ME3: variants seen among roughly 807,000 people sequenced by gnomAD.
ME3 encodes malic enzyme 3, also known as NADP-dependent malic enzyme, mitochondrial.
Under a neutral mutation model 68.9 loss-of-function variants are expected in ME3, and 48 were observed. That is an observed-to-expected ratio of 0.70 (90% CI 0.55 to 0.89). The LOEUF (loss-of-function observed/expected upper bound fraction) is 0.89. Ranked by LOEUF, ME3 falls within the 40% of genes least tolerant of loss-of-function variation. ME3 has a pLI of 0.00. For missense variants in ME3, 675 were observed against 797.4 expected, an observed-to-expected ratio of 0.85 and a Z score of 1.85; for synonymous variants, 320 against 318.8, an observed-to-expected ratio of 1.00 and a Z score of -0.04.
chr11:86,577,153 G>C (rs1250037906), intron 2 of ME3, among the ~76,000 whole-genome samples: 1 of 152,048 alleles, frequency 6.6e-6, no homozygotes, highest in African/African-American at 2.4e-5. Flanking sequence ...TAGGAAACAA[G>C]CAAATGACCC....
At chr11:86,443,669 C>T (rs1949129797) in intron 13 of ME3, among the ~76,000 whole-genome samples, 1 of 152,238 alleles carries the variant, frequency 6.6e-6, no homozygotes, top group African/African-American at 2.4e-5. Flanking sequence ...CTGGTGCTCT[C>T]TGAGAACTGT....
intron 4 of ME3, among the ~76,000 whole-genome samples, chr11:86,524,752 T>G (rs1954599559): frequency 1.3e-5 from 2 of 152,294 alleles, no homozygotes; most frequent in African/African-American, 4.8e-5. Flanking sequence ...TGGGAAAACA[T>G]ATGCTTAAAC....
intron 2 of ME3, among the ~76,000 whole-genome samples, chr11:86,581,882 T>C (rs920331831): frequency 6.6e-6 from 1 of 152,224 alleles, no homozygotes; most frequent in African/African-American, 2.4e-5. Flanking sequence ...TCCTCCTCTG[T>C]TATCCATCCT....
chr11:86,671,638 G>T, intron 2 of ME3, 124 bp downstream of exon 2: 1 of 1,224,088 alleles, frequency 8.2e-7, no homozygotes, highest in Non-Finnish European at 1.1e-6. Flanking sequence ...CCCCTGCAAG[G>T]CAAAAACAGA....
intron 8 of ME3, among the ~76,000 whole-genome samples, chr11:86,453,142 G>A (rs1288455432): frequency 6.6e-6 from 1 of 152,096 alleles, no homozygotes; most frequent in Non-Finnish European, 1.5e-5. Flanking sequence ...GGGATTACAG[G>A]CACCCACCAC....
intron 4 of ME3, among the ~76,000 whole-genome samples, chr11:86,510,533 C>T (rs922458996): frequency 3.9e-5 from 6 of 152,198 alleles, no homozygotes; most frequent in African/African-American, 1.4e-4. Context: ...CAATGACTCT[C>T]AAATATCTAT....
chr11:86,537,221 T>G (rs1014018654), intron 4 of ME3, among the ~76,000 whole-genome samples: 240 of 151,490 alleles, frequency 1.6e-3, no homozygotes, highest in African/African-American at 3.9e-3. Context: ...CACCAGCATG[T>G]CACATGTATA....
exon 2 of ME3, chr11:86,671,958 C>A: frequency 1.4e-6 from 2 of 1,399,526 alleles, no homozygotes; most frequent in Admixed American, 3.8e-5. Context: ...CCTTGGCAGA[C>A]CTGGCACGGG....
intron 4 of ME3, among the ~76,000 whole-genome samples, chr11:86,534,524 A>G (rs1955509493): frequency 6.6e-6 from 1 of 151,996 alleles, no homozygotes; most frequent in African/African-American, 2.4e-5. Context: ...AAAATACAAA[A>G]ATTAGTGGGG....
At chr11:86,546,067 G>A (rs1956342229) in intron 4 of ME3, among the ~76,000 whole-genome samples, 1 of 152,178 alleles carries the variant, frequency 6.6e-6, no homozygotes, top group Admixed American at 6.5e-5. Context: ...AATGGGGAAA[G>A]GATTCCCTAT....
At chr11:86,457,906 C>T (rs1950029931) in intron 8 of ME3, 1 of 927,880 alleles carries the variant, frequency 1.1e-6, no homozygotes, top group African/African-American at 1.7e-5. Flanking sequence ...TTTTAATAGT[C>T]AGATTTGACA....
intron 2 of ME3, among the ~76,000 whole-genome samples, chr11:86,583,246 A>T (rs1179213236): frequency 1.3e-5 from 2 of 152,236 alleles, no homozygotes; most frequent in African/African-American, 4.8e-5. Context: ...GGAAAGAAAG[A>T]TGATGAAGCC....
intron 8 of ME3, among the ~76,000 whole-genome samples, chr11:86,460,904 A>C (rs552495331): frequency 8.5e-5 from 13 of 152,354 alleles, no homozygotes; most frequent in African/African-American, 2.9e-4. Context: ...TTGTCTGCTT[A>C]ACAATGAGAA....
At chr11:86,596,293 A>C (rs1009651163) in intron 2 of ME3, among the ~76,000 whole-genome samples, 2 of 152,176 alleles carry the variant, frequency 1.3e-5, no homozygotes, top group African/African-American at 4.8e-5. Context: ...AACATACTGA[A>C]TTTCAGTCTC....
intron 2 of ME3, among the ~76,000 whole-genome samples, chr11:86,598,643 C>G (rs1454544339): frequency 6.6e-6 from 1 of 152,192 alleles, no homozygotes; most frequent in Non-Finnish European, 1.5e-5. Flanking sequence ...GGGAAGACTG[C>G]CTCCTTAAGT....
chr11:86,616,759 A>T (rs1315266291), intron 2 of ME3, among the ~76,000 whole-genome samples: 1 of 152,210 alleles, frequency 6.6e-6, no homozygotes, highest in Non-Finnish European at 1.5e-5. Context: ...AGACACTGTC[A>T]TAACCCAGAG....
intron 2 of ME3, among the ~76,000 whole-genome samples, chr11:86,567,079 T>C (rs758464036): frequency 2.6e-5 from 4 of 151,910 alleles, no homozygotes; most frequent in African/African-American, 4.8e-5. Flanking sequence ...TAGTCAGGCA[T>C]GGTGGTGCAT....
chr11:86,665,299 G>A (rs11607554), intron 2 of ME3, among the ~76,000 whole-genome samples: 55,487 of 152,048 alleles, frequency 0.36, 11,216 homozygotes, highest in Non-Finnish European at 0.45. Context: ...ATGTGTAGGG[G>A]GAGCAAGAAG....
chr11:86,631,304 GCA>G (rs1002782868), intron 2 of ME3, among the ~76,000 whole-genome samples: 1 of 152,128 alleles, frequency 6.6e-6, no homozygotes, highest in African/African-American at 2.4e-5. Flanking sequence ...CCCCTTCTCT[GCA>G]CATTAATGTC....
Sources: allele counts gnomAD v4.1 joint callset (sites outside exome capture counted in the v4.1 genomes callset), GRCh38; gene constraint gnomAD v4.1.1; transcripts MANE v1.5; gene names NCBI Gene and HGNC (gene_info 2026-07-23, HGNC 2026-07-21).